FMN2: variants seen among roughly 807,000 people sequenced by gnomAD.
FMN2 encodes the protein formin-2.
Under a neutral mutation model 142.3 loss-of-function variants are expected in FMN2, and 51 were observed. That is an observed-to-expected ratio of 0.36 (90% CI 0.29 to 0.45). The LOEUF (loss-of-function observed/expected upper bound fraction) is 0.45, where lower values mean the gene tolerates loss of function less well. Ranked by LOEUF, FMN2 falls within the 20% of genes least tolerant of loss-of-function variation. FMN2 has a pLI of 1.00. For synonymous variants in FMN2, 882 were observed against 869.8 expected (o/e 1.01, Z -0.25); for missense variants, 1,936 against 2,122.8 (o/e 0.91, Z 1.73).
chr1:240,325,651 T>C (rs1029165802), intron 8 of FMN2, among the ~76,000 whole-genome samples: 1 of 152,216 alleles, frequency 6.6e-6, no homozygotes, highest in Non-Finnish European at 1.5e-5. Context: ...ATACATGTTC[T>C]TACTGAAATC....
intron 6 of FMN2, among the ~76,000 whole-genome samples, chr1:240,223,831 TC>T (rs1667206617): frequency 6.6e-6 from 1 of 152,160 alleles, no homozygotes; most frequent in South Asian, 2.1e-4. Context: ...AGTGGTGATA[TC>T]CCCTTTATCA....
chr1:240,239,702 G>T (rs1179308799), intron 6 of FMN2, among the ~76,000 whole-genome samples: 1 of 152,194 alleles, frequency 6.6e-6, no homozygotes, highest in Non-Finnish European at 1.5e-5. Flanking sequence ...CTATAAAAGG[G>T]CCAGAAAGAA....
At chr1:240,240,159 G>A (rs1479951852) in intron 6 of FMN2, among the ~76,000 whole-genome samples, 1 of 152,134 alleles carries the variant, frequency 6.6e-6, no homozygotes, top group African/African-American at 2.4e-5. Flanking sequence ...TCCTTGGTAG[G>A]AGTGTGCTCT....
At chr1:240,454,193 C>CTCT (rs1015271004) in intron 16 of FMN2, among the ~76,000 whole-genome samples, 18 of 151,866 alleles carry the variant, frequency 1.2e-4, no homozygotes, top group Middle Eastern at 6.8e-3. Flanking sequence ...GGCGTTTTCT[C>CTCT]TTTTTTGTCT....
chr1:240,435,587 G>A (rs4659573), intron 15 of FMN2, among the ~76,000 whole-genome samples: 110,032 of 151,998 alleles, frequency 0.72, 40,210 homozygotes, highest in African/African-American at 0.82. Flanking sequence ...ACATTCAACA[G>A]ACACTTTGGC....
At chr1:240,303,175 G>A (rs1670263327) in intron 8 of FMN2, among the ~76,000 whole-genome samples, 1 of 152,098 alleles carries the variant, frequency 6.6e-6, no homozygotes, top group Admixed American at 6.5e-5. Flanking sequence ...GGTTTTTCTT[G>A]ATCACAAAGA....
chr1:240,245,073 C>T (rs1011038708), intron 6 of FMN2, among the ~76,000 whole-genome samples: 5 of 152,054 alleles, frequency 3.3e-5, no homozygotes, highest in Admixed American at 6.5e-5. Context: ...TATATAGTCT[C>T]AAAAGAGTAA....
intron 16 of FMN2, among the ~76,000 whole-genome samples, chr1:240,439,561 G>A (rs1245703661): frequency 6.6e-6 from 1 of 152,150 alleles, no homozygotes. Context: ...TCAGTGAATA[G>A]TAGGTGGAAA....
At chr1:240,110,347 A>G (rs1571934941) in intron 1 of FMN2, among the ~76,000 whole-genome samples, 2 of 152,178 alleles carry the variant, frequency 1.3e-5, no homozygotes, top group Non-Finnish European at 2.9e-5. Flanking sequence ...TGCTCTGCCT[A>G]CTTCACAGAG....
At chr1:240,330,844 A>ATGTTCC (rs1671350725) in intron 11 of FMN2, 95 bp downstream of exon 11, 1 of 1,441,056 alleles carries the variant, frequency 6.9e-7, no homozygotes, top group Admixed American at 2.4e-5. Flanking sequence ...AAAAATATTT[A>ATGTTCC]TGTTCCTAGG....
intron 3 of FMN2, among the ~76,000 whole-genome samples, chr1:240,187,903 TA>T (rs1322654158): frequency 6.6e-6 from 1 of 152,210 alleles, no homozygotes; most frequent in Admixed American, 6.5e-5. Context: ...GTGAAAGTCT[TA>T]GAAGGACTTT....
At chr1:240,346,267 GAA>G (rs2103034549) in intron 13 of FMN2, among the ~76,000 whole-genome samples, 1 of 151,658 alleles carries the variant, frequency 6.6e-6, no homozygotes, top group Admixed American at 6.6e-5. Context: ...GGTTCAGTAA[GAA>G]ATTAATAATA....
At chr1:240,456,927 G>A (rs1026944980) in intron 16 of FMN2, among the ~76,000 whole-genome samples, 5 of 152,140 alleles carry the variant, frequency 3.3e-5, no homozygotes, top group African/African-American at 1.2e-4. Context: ...TGATATTTAA[G>A]GTTCGCTATG....
At chr1:240,399,860 C>A (rs74151661) in intron 15 of FMN2, among the ~76,000 whole-genome samples, 54 of 152,164 alleles carry the variant, frequency 3.5e-4, no homozygotes, top group Non-Finnish European at 1.5e-4. Context: ...CCTTCTTACA[C>A]AGCAGGAGTG....
At chr1:240,203,933 T>C (rs758479239) in intron 4 of FMN2, among the ~76,000 whole-genome samples, 6 of 152,160 alleles carry the variant, frequency 3.9e-5, no homozygotes, top group Non-Finnish European at 7.3e-5. Context: ...ATACAAACTG[T>C]GCATTACAAA....
At chr1:240,194,370 A>G (rs1332007163) in intron 4 of FMN2, among the ~76,000 whole-genome samples, 1 of 152,236 alleles carries the variant, frequency 6.6e-6, no homozygotes, top group African/African-American at 2.4e-5. Context: ...GACATTAGTT[A>G]AAATGGTAAG....
chr1:240,426,950 G>A (rs1443412543), intron 15 of FMN2, among the ~76,000 whole-genome samples: 1 of 151,814 alleles, frequency 6.6e-6, no homozygotes, highest in Non-Finnish European at 1.5e-5. Context: ...TCTTGGCCAG[G>A]CTGGTCTTGA....
chr1:240,243,576 A>T (rs1667983983), intron 6 of FMN2, among the ~76,000 whole-genome samples: 1 of 152,222 alleles, frequency 6.6e-6, no homozygotes, highest in Non-Finnish European at 1.5e-5. Context: ...CGGTTATTGG[A>T]TTACAAAATA....
At chr1:240,107,130 T>C (rs1177534864) in intron 1 of FMN2, among the ~76,000 whole-genome samples, 1 of 151,928 alleles carries the variant, frequency 6.6e-6, no homozygotes, top group Non-Finnish European at 1.5e-5. Flanking sequence ...TAGCAGTTTG[T>C]ATGATTCAAG....
Sources: gnomAD v4.1 joint callset for allele counts (sites outside exome capture counted in the v4.1 genomes callset) on GRCh38, gnomAD v4.1.1 for gene constraint, MANE v1.5 for transcripts, NCBI Gene and HGNC (gene_info 2026-07-23, HGNC 2026-07-21) for gene names.